The following SLC39A6 variants were observed in gnomAD, a reference collection of about 807,000 sequenced individuals.
SLC39A6 encodes solute carrier family 39 member 6.
SLC39A6 carries 51 observed loss-of-function variants against 63.5 expected under a neutral mutation model. The observed-to-expected ratio is 0.80, with a 90% CI of 0.64 to 1.01. The LOEUF (loss-of-function observed/expected upper bound fraction) is 1.01. Ranked by LOEUF, SLC39A6 falls within the 50% of genes least tolerant of loss-of-function variation. The probability of loss-of-function intolerance (pLI) is 0.00; values close to 1 mark genes in which losing one functional copy is unlikely to be tolerated. For synonymous variants in SLC39A6, 318 were observed against 324.7 expected, an observed-to-expected ratio of 0.98 and a Z score of 0.22; for missense variants, 805 against 927.8, an observed-to-expected ratio of 0.87 and a Z score of 1.72.
chr18:36,117,737 T>A (rs1487786304), intron 5 of SLC39A6, among the ~76,000 whole-genome samples: 1 of 152,204 alleles, frequency 6.6e-6, no homozygotes, highest in Non-Finnish European at 1.5e-5. Flanking sequence ...TAAGAGCTTT[T>A]AAAGGCAAAC....
chr18:36,117,528 C>T (rs770479494), intron 5 of SLC39A6, among the ~76,000 whole-genome samples: 13 of 151,614 alleles, frequency 8.6e-5, no homozygotes, highest in Admixed American at 3.3e-4. Context: ...GTCCAAGCAG[C>T]CTTTATGTTG....
chr18:36,121,786 T>C (rs368501156), intron 5 of SLC39A6, among the ~76,000 whole-genome samples: 1 of 152,198 alleles, frequency 6.6e-6, no homozygotes, highest in Admixed American at 6.5e-5. Context: ...GTACCTTGTC[T>C]GGTCACTTAT....
In SLC39A6 at chr18:36,119,167, A is replaced by G. The variant is rs561773533; in HGVS notation, c.1360-2388T>C. Among the ~76,000 whole-genome samples the G allele has an allele frequency of 5.9e-5, 9 of 152,352 alleles. No individual in the cohort carries two copies. In the South Asian group the frequency reaches 1.9e-3, roughly 32 times the overall value. On this transcript the variant is annotated intron_variant, in intron 5 of 9. Transcript: ENST00000269187. ...AAGAACTCCCCATACTCACAATATA[A>G]TGAGTAGTAGTTTTCTTTTTGAGAG... is the stretch of plus-strand genomic sequence containing the variant.
At chr18:36,119,322 C>G (rs1027874118) in intron 5 of SLC39A6, among the ~76,000 whole-genome samples, 1 of 152,158 alleles carries the variant, frequency 6.6e-6, no homozygotes, top group South Asian at 2.1e-4. Context: ...AAGTCTTCAT[C>G]TAGAAATTAT....
chr18:36,112,036 G>A (rs1423223478), intron 8 of SLC39A6, among the ~76,000 whole-genome samples: 1 of 152,154 alleles, frequency 6.6e-6, no homozygotes, highest in African/African-American at 2.4e-5. Context: ...AATAAGAGAG[G>A]GGCTTCATGG....
At position 36,126,942 on chromosome 18, in the gene SLC39A6, A is replaced by T; in HGVS notation, c.66T>A (p.His22Gln). The T allele has an allele frequency of 6.2e-7, 1 of 1,614,216 alleles. No homozygotes were observed. The highest frequency in any genetic ancestry group is 8.5e-7 in the Non-Finnish European group (1 of 1,180,030). ...GGGGGAAAGCAGCTGCTTTTAGTTC[A>T]TGAAGGGGATTTGTGACAGAGAGGG... Reference protein sequence around the residue: ...TFALSVTNPLHELKAAAFPQT... With the variant: ...TFALSVTNPLQELKAAAFPQT... The change falls in exon 2 of 10, where the codon CAT becomes CAA. Residue 22 changes from histidine to glutamine, a missense_variant. Physicochemically the swap from His to Gln is conservative, Grantham distance 24. This residue lies in a region of SLC39A6 where 639 missense variants were observed against 644.0 expected (regional missense o/e 0.99). Transcript: ENST00000269187.
At chr18:36,123,020 T>C (rs920058600) in intron 4 of SLC39A6, among the ~76,000 whole-genome samples, 1 of 152,248 alleles carries the variant, frequency 6.6e-6, no homozygotes, top group African/African-American at 2.4e-5. Flanking sequence ...TGAGCATCTA[T>C]TCCAAATATC....
At position 36,109,438 on chromosome 18, in the gene SLC39A6, C is replaced by T. The variant is rs1598702971; in HGVS notation, c.*155G>A. The T allele has an allele frequency of 1.9e-6, 1 of 534,434 alleles. No homozygotes were observed. The highest frequency in any genetic ancestry group is 1.9e-5 in the African/African-American group (1 of 51,878). The allele number at this position is 534,434 out of a possible 1,614,324, so 33.1% of individuals were successfully genotyped here. On this transcript the variant is annotated 3_prime_UTR_variant, in exon 10 of 10. Transcript: ENST00000269187. ...GAATAACTTAAATATTAAAACGTAC[C>T]TTTAACTGACTTTGTAACAGACAGC...
rs1472286069 is a variant in SLC39A6, at chr18:36,116,661, C to T, written c.1465+13G>A. On this transcript the variant is annotated intron_variant, in intron 6 of 9. Transcript: ENST00000269187. ...ACTCCCTCCAGCCCTAAAATTTATG[C>T]ATAAGAACTTACGATCATCTGTATC... 2 of 1,555,404 alleles carry T rather than the reference C, an allele frequency of 1.3e-6. No individual in the cohort carries two copies. Among genetic ancestry groups the T allele is most frequent in the Non-Finnish European group, 1.8e-6 (2 of 1,127,640 alleles).
At chr18:36,120,694 T>C (rs1241726509) in intron 5 of SLC39A6, among the ~76,000 whole-genome samples, 4 of 152,218 alleles carry the variant, frequency 2.6e-5, no homozygotes, top group African/African-American at 9.6e-5. Context: ...TGTCTTGCTA[T>C]GTTGCCCAGG....
chr18:36,127,096 G>T, intron 1 of SLC39A6, 80 bp from the exon 2 acceptor site: 2 of 1,255,222 alleles, frequency 1.6e-6, no homozygotes, highest in Non-Finnish European at 2.2e-6. Context: ...GAAAATTAAT[G>T]TGTAATCAAA....
intron 7 of SLC39A6, among the ~76,000 whole-genome samples, chr18:36,113,431 T>C (rs529388688): frequency 1.8e-4 from 28 of 152,198 alleles, no homozygotes; most frequent in Admixed American, 7.9e-4. Context: ...CCTTTGTCTG[T>C]TTCAGCTCTG....
At chr18:36,115,907 C>A (rs2089341541) in intron 6 of SLC39A6, among the ~76,000 whole-genome samples, 1 of 152,180 alleles carries the variant, frequency 6.6e-6, no homozygotes, top group African/African-American at 2.4e-5. Context: ...ATCAAAATTA[C>A]CACCACCAAT....
At position 36,123,482 on chromosome 18, in the gene SLC39A6, T is replaced by A; in HGVS notation, c.1140+13A>T. The A allele has an allele frequency of 6.3e-7, 1 of 1,590,618 alleles. No homozygotes were observed. Among genetic ancestry groups the A allele is most frequent in the Non-Finnish European group, 8.5e-7 (1 of 1,172,926 alleles). On this transcript the variant is annotated intron_variant, in intron 4 of 9. Coordinates refer to ENST00000269187, the MANE Select transcript of SLC39A6 (RefSeq NM_012319.4). ...AATAATCAAACACTAACAGGACAAATTACTATACTTACATGTGGAAGAAGG... is the reference window on the plus strand; with the variant it reads ...AATAATCAAACACTAACAGGACAAAATACTATACTTACATGTGGAAGAAGG...
chr18:36,116,153 C>A (rs149079809), intron 6 of SLC39A6, among the ~76,000 whole-genome samples: 61 of 152,226 alleles, frequency 4.0e-4, no homozygotes, highest in Admixed American at 8.5e-4. Context: ...GGAAGAATAA[C>A]GTCTACAGAG....
intron 7 of SLC39A6, among the ~76,000 whole-genome samples, chr18:36,113,335 G>C (rs757928221): frequency 3.9e-5 from 6 of 151,906 alleles, no homozygotes; most frequent in African/African-American, 7.3e-5. Flanking sequence ...CTGGGCTTAA[G>C]CGATCCTCCT....
In SLC39A6 at chr18:36,109,022, A is replaced by C. The variant is rs1390683788; in HGVS notation, c.*571T>G. ...CGTTTTTACGGGAAATAATCCTGAC[A>C]AAAATGTTTAATGAATGTACTCTAT... On this transcript the variant is annotated 3_prime_UTR_variant, in exon 10 of 10. Transcript: ENST00000269187. The C allele has an allele frequency of 6.6e-6, 1 of 152,212 alleles. No homozygotes were observed. The highest frequency in any genetic ancestry group is 1.5e-5 in the Non-Finnish European group (1 of 68,018). The allele number at this position is 152,212 out of a possible 1,614,324, so 9.4% of individuals were successfully genotyped here.
In SLC39A6 at chr18:36,111,129, G is replaced by T; in HGVS notation, c.2045C>A (p.Ala682Asp). ...AAATATCCACATAGAAACATTTTCA[G>T]CATAATGACCAATGAAAATTCCTGT... Reference protein sequence around the residue: ...MATGIFIGHYAENVSMWIFAL... With the variant: ...MATGIFIGHYDENVSMWIFAL... The change falls in exon 9 of 10, where the codon GCT becomes GAT. Residue 682 changes from alanine (A) to aspartate (D), a missense_variant. Physicochemically the swap from Ala to Asp is moderately radical, Grantham distance 126. Coordinates refer to ENST00000269187, the MANE Select transcript of SLC39A6 (RefSeq NM_012319.4). 6.2e-7 allele frequency: 1 copy of T among 1,614,170 alleles called. No individual in the cohort carries two copies. The highest frequency in any genetic ancestry group is 8.5e-7 in the Non-Finnish European group (1 of 1,180,020).
At position 36,126,960 on chromosome 18, in the gene SLC39A6, A is replaced by C. The variant is rs1256776014; in HGVS notation, c.48T>G (p.Ser16=). Residue 16 remains serine, a synonymous_variant, in exon 2 of 10, where the codon TCT becomes TCG. Transcript: ENST00000269187. The stretch of plus-strand genomic sequence containing the variant: ...TTAGTTCATGAAGGGGATTTGTGAC[A>C]GAGAGGGCAAAGGTCAGGATCAAGA... ...SVILILTFAL[S]VTNPLHELKA... is the part of the protein sequence containing the mutation. 4 of 1,614,114 alleles carry C rather than the reference A, an allele frequency of 2.5e-6. No homozygotes were observed. Among genetic ancestry groups the C allele is most frequent in the Admixed American group, 3.3e-5 (2 of 60,010 alleles).
Sources: allele counts gnomAD v4.1 joint callset (sites outside exome capture counted in the v4.1 genomes callset), GRCh38; gene constraint gnomAD v4.1.1; regional missense constraint gnomAD v4.1.1; transcripts MANE v1.5; gene names NCBI Gene and HGNC (gene_info 2026-07-23, HGNC 2026-07-21).